HCN1: variants seen among roughly 807,000 people sequenced by gnomAD.
HCN1 encodes the protein hyperpolarization activated cyclic nucleotide gated potassium channel 1.
A neutral mutation model predicts 78.9 loss-of-function variants in HCN1; 13 were observed. The ratio of observed to expected loss-of-function variants is 0.16; its 90% CI spans 0.11 to 0.26. HCN1 has a LOEUF of 0.26. Among genes scored for constraint, HCN1 ranks in the 10% least tolerant of loss-of-function variants. The pLI, the probability that HCN1 is intolerant of heterozygous loss-of-function variation, is 1.00. For synonymous variants in HCN1, 552 were observed against 455.5 expected (o/e 1.21, Z -2.70); for missense variants, 810 against 1,154.3 (o/e 0.70, Z 4.32).
intron 7 of HCN1, among the ~76,000 whole-genome samples, chr5:45,265,638 A>G (rs1744840505): frequency 6.6e-6 from 1 of 152,226 alleles, no homozygotes; most frequent in Non-Finnish European, 1.5e-5. Context: ...AGCCAACATA[A>G]CAATTTATCA....
At chr5:45,667,657 C>G (rs1442084339) in intron 1 of HCN1, among the ~76,000 whole-genome samples, 1 of 151,916 alleles carries the variant, frequency 6.6e-6, no homozygotes, top group Non-Finnish European at 1.5e-5. Context: ...AAGTTATAAA[C>G]TCAAACATTC....
chr5:45,690,364 G>T (rs1395666105), intron 1 of HCN1, among the ~76,000 whole-genome samples: 2 of 152,018 alleles, frequency 1.3e-5, no homozygotes, highest in African/African-American at 4.8e-5. Context: ...AAAGAGTCAT[G>T]AAATCAATCT....
At chr5:45,548,716 G>A (rs1380080670) in intron 2 of HCN1, among the ~76,000 whole-genome samples, 1 of 152,142 alleles carries the variant, frequency 6.6e-6, no homozygotes, top group Admixed American at 6.6e-5. Flanking sequence ...GTCCCTGTTT[G>A]CAGATGCCAT....
chr5:45,696,159 C>A lies in HCN1; in HGVS notation c.-66G>T. On this transcript the variant is annotated 5_prime_UTR_variant, in exon 1 of 8. Coordinates refer to ENST00000303230, the MANE Select transcript of HCN1 (RefSeq NM_021072.4). The stretch of plus-strand genomic sequence containing the variant: ...CGCCGGCCGCCCGGCGCCGGAGACA[C>A]GTAGCCGAGAGGGTAGGGGCCCGAG... 2 of 1,144,486 alleles carry A rather than the reference C, an allele frequency of 1.7e-6. No homozygotes were observed. The highest frequency in any genetic ancestry group is 2.2e-5 in the South Asian group (1 of 45,272). 70.9% of individuals were successfully genotyped at this position (1,144,486 alleles called of 1,614,324 possible).
Position 45,607,101 on chromosome 5 carries a change from A to C in HCN1, c.849+38084T>G, listed in dbSNP as rs1579996019. On this transcript the variant is annotated intron_variant, in intron 2 of 7. Coordinates refer to ENST00000303230, the MANE Select transcript of HCN1 (RefSeq NM_021072.4). ...AACACTGTTATGCCTTCAAATTTGA[A>C]ACTTAGGTAAAGACATATTTTGGAA... 4.6e-5 allele frequency among the ~76,000 whole-genome samples: 7 copies of C among 151,986 alleles called. 1 individual carries two copies. The highest frequency in any genetic ancestry group is 2.6e-4 in the Admixed American group (4 of 15,216).
chr5:45,661,197 A>G lies in HCN1; in HGVS notation c.426-15589T>C, dbSNP rs970437521. Among the ~76,000 whole-genome samples, 21 of 134,836 alleles carry G rather than the reference A, an allele frequency of 1.6e-4. No individual in the cohort carries two copies. The East Asian group carries it at 2.8e-3, about 18-fold the overall frequency. 88.5% of individuals were successfully genotyped at this position (134,836 alleles called of 152,430 possible). On this transcript the variant is annotated intron_variant, in intron 1 of 7. Coordinates refer to ENST00000303230, the MANE Select transcript of HCN1 (RefSeq NM_021072.4). ...ATGGAAACTGAACAACCTGCTCCTG[A>G]ATGACTACTGGGTACATAACGAAAT...
At chr5:45,657,164 T>C (rs1442443332) in intron 1 of HCN1, among the ~76,000 whole-genome samples, 1 of 152,164 alleles carries the variant, frequency 6.6e-6, no homozygotes, top group Admixed American at 6.5e-5. Flanking sequence ...GTTTCTTTAA[T>C]TTTCTGAGCA....
chr5:45,372,519 TA>T lies in HCN1; in HGVS notation c.1231-19274del, dbSNP rs1282900893. 5.6e-5 allele frequency among the ~76,000 whole-genome samples: 7 copies of T among 126,076 alleles called. No homozygotes were observed. The East Asian group carries it at 7.0e-4, about 13-fold the overall frequency. The allele number at this position is 126,076 out of a possible 152,430, so 82.7% of individuals were successfully genotyped here. ...TAAAAATATATAAAACATTTACATA[TA>T]AAAATATATAAAACATTTACATATA... On this transcript the variant is annotated intron_variant, in intron 4 of 7. Transcript: ENST00000303230.
intron 5 of HCN1, among the ~76,000 whole-genome samples, chr5:45,350,105 C>A (rs952942611): frequency 6.6e-6 from 1 of 152,152 alleles, no homozygotes; most frequent in African/African-American, 2.4e-5. Flanking sequence ...CCTTGATGAA[C>A]ATTGATGCAA....
At chr5:45,489,902 G>T (rs1170249512) in intron 2 of HCN1, among the ~76,000 whole-genome samples, 1 of 152,282 alleles carries the variant, frequency 6.6e-6, no homozygotes, top group Middle Eastern at 3.4e-3. Context: ...GGGATGTCAG[G>T]TTTAGCAAAT....
At chr5:45,305,052 A>G (rs997951405) in intron 5 of HCN1, among the ~76,000 whole-genome samples, 1 of 152,100 alleles carries the variant, frequency 6.6e-6, no homozygotes, top group Non-Finnish European at 1.5e-5. Flanking sequence ...TACCCCAAAA[A>G]AGGTTGGGAC....
chr5:45,381,555 GGT>G (rs1281837853), intron 4 of HCN1, among the ~76,000 whole-genome samples: 1 of 152,036 alleles, frequency 6.6e-6, no homozygotes, highest in Non-Finnish European at 1.5e-5. Flanking sequence ...CTCCTCACAT[GGT>G]CAGCTCCATT....
At chr5:45,495,496 T>G (rs1480530963) in intron 2 of HCN1, among the ~76,000 whole-genome samples, 11 of 151,796 alleles carry the variant, frequency 7.2e-5, no homozygotes, top group African/African-American at 2.7e-4. Context: ...TAAGGAGATT[T>G]TGGGCTGAGA....
rs1744729292 is a variant in HCN1, at chr5:45,261,126, C to T, written c.*795G>A. 1 of 152,534 alleles carries T rather than the reference C, an allele frequency of 6.6e-6. No homozygotes were observed. Among genetic ancestry groups the T allele is most frequent in the African/African-American group, 2.4e-5 (1 of 41,416 alleles). 9.4% of individuals were successfully genotyped at this position (152,534 alleles called of 1,614,324 possible). ...TAAAACTCTAAGTTTTGAAGTGAAG[C>T]AATAAAACTAAATTCTTAAACAATG... is the stretch of plus-strand genomic sequence containing the variant. On this transcript the variant is annotated 3_prime_UTR_variant, in exon 8 of 8. Coordinates refer to ENST00000303230, the MANE Select transcript of HCN1 (RefSeq NM_021072.4).
chr5:45,406,947 C>A (rs1032773357), intron 3 of HCN1, among the ~76,000 whole-genome samples: 1 of 152,192 alleles, frequency 6.6e-6, no homozygotes, highest in African/African-American at 2.4e-5. Flanking sequence ...TTCCACCTAA[C>A]CCCAAAGCCT....
intron 4 of HCN1, among the ~76,000 whole-genome samples, chr5:45,371,130 C>T (rs987025739): frequency 3.3e-5 from 5 of 151,754 alleles, no homozygotes; most frequent in Admixed American, 6.6e-5. Flanking sequence ...GCTAAGGCAG[C>T]GATAAGAGGG....
intron 2 of HCN1, among the ~76,000 whole-genome samples, chr5:45,501,633 G>A (rs1205687216): frequency 6.6e-6 from 1 of 152,032 alleles, no homozygotes; most frequent in Non-Finnish European, 1.5e-5. Flanking sequence ...TAGAGACAGC[G>A]TTTGACCATG....
At chr5:45,597,286 T>A (rs1027623034) in intron 2 of HCN1, among the ~76,000 whole-genome samples, 2 of 152,138 alleles carry the variant, frequency 1.3e-5, no homozygotes, top group Non-Finnish European at 2.9e-5. Context: ...ATAAACGTAA[T>A]CCATCACGTA....
chr5:45,377,761 T>C (rs1353683503), intron 4 of HCN1, among the ~76,000 whole-genome samples: 1 of 152,038 alleles, frequency 6.6e-6, no homozygotes, highest in African/African-American at 2.4e-5. Flanking sequence ...GGTGTTACTA[T>C]AAATACATAA....
Sources: gnomAD v4.1 joint callset for allele counts (sites outside exome capture counted in the v4.1 genomes callset) on GRCh38, gnomAD v4.1.1 for gene constraint, MANE v1.5 for transcripts, NCBI Gene and HGNC (gene_info 2026-07-23, HGNC 2026-07-21) for gene names.